The following SPTBN5 variants were observed in gnomAD, a reference collection of about 807,000 sequenced individuals.
SPTBN5 encodes spectrin beta chain, non-erythrocytic 5.
A neutral mutation model predicts 477.6 loss-of-function variants in SPTBN5; 513 were observed. The observed-to-expected ratio is 1.07, with a 90% CI of 1.00 to 1.16. The LOEUF is 1.16. SPTBN5 is among the 50% of genes most tolerant of loss of function. The probability of loss-of-function intolerance (pLI) is 0.00; values close to 1 mark genes in which losing one functional copy is unlikely to be tolerated. For synonymous variants in SPTBN5, 2,169 were observed against 2,011.7 expected, an observed-to-expected ratio of 1.08 and a Z score of -2.09; for missense variants, 5,062 against 4,731.8, an observed-to-expected ratio of 1.07 and a Z score of -2.05.
chr15:41,852,777 G>GGT (rs2065812957), intron 60 of SPTBN5, 42 bp from the exon 61 acceptor site: 1 of 1,610,646 alleles, frequency 6.2e-7, no homozygotes, highest in Non-Finnish European at 8.5e-7. Flanking sequence ...CTTGGGGGGG[G>GGT]GGGCCCAGAG....
intron 43 of SPTBN5, 113 bp downstream of exon 43, chr15:41,862,426 A>C: frequency 2.6e-6 from 4 of 1,519,528 alleles, no homozygotes; most frequent in Non-Finnish European, 3.5e-6. Context: ...AGGACAGTAC[A>C]GTTATTTGAA....
intron 3 of SPTBN5, among the ~76,000 whole-genome samples, chr15:41,890,699 C>T (rs910867050): frequency 2.0e-5 from 3 of 152,244 alleles, no homozygotes; most frequent in Non-Finnish European, 4.4e-5. Context: ...GCTATAAATC[C>T]AGACTCCCAG....
intron 17 of SPTBN5, among the ~76,000 whole-genome samples, chr15:41,878,025 G>C (rs528664791): frequency 1.2e-4 from 18 of 152,282 alleles, no homozygotes; most frequent in African/African-American, 1.9e-4. Flanking sequence ...GGACGGCAGG[G>C]GGGGCTAGAC....
In SPTBN5 at chr15:41,888,088, G is replaced by A. The variant is rs1390093423; in HGVS notation, c.502-3C>T. 6 of 1,563,512 alleles carry A rather than the reference G, an allele frequency of 3.8e-6. No homozygotes were observed. Among genetic ancestry groups the A allele is most frequent in the African/African-American group, 2.7e-5 (2 of 73,802 alleles). On this transcript the variant is annotated splice_polypyrimidine_tract_variant and splice_region_variant and intron_variant, in intron 4 of 67. Transcript: ENST00000320955. ...GCTGCGCTGGCCCCAAACTCCTCCT[G>A]GCGGGACAGGGCAGCAGGGTCACCA...
chr15:41,866,823 G>A (rs1213097011), intron 36 of SPTBN5, 136 bp downstream of exon 36: 33 of 1,188,486 alleles, frequency 2.8e-5, no homozygotes, highest in Non-Finnish European at 3.3e-5. Context: ...CCCATGTTCT[G>A]GGCTCCAGCA....
In SPTBN5 at chr15:41,865,811, G is replaced by A. The variant is rs1567199515; in HGVS notation, c.6915C>T (p.Ala2305=). ...RRLREFRGNS[A]GDTVGDACIR... is the part of the protein sequence containing the mutation. The stretch of plus-strand genomic sequence containing the variant: ...CTACCCAGCAAGGCCCTCTTACCCC[G>A]GCCGAGTTTCCTCGGAACTCGCGGA... The change falls in exon 39 of 68, where the codon GCC becomes GCT. Residue 2305 remains alanine, a synonymous_variant. Coordinates refer to ENST00000320955, the MANE Select transcript of SPTBN5 (RefSeq NM_016642.4). 10 of 1,558,308 alleles carry A rather than the reference G, an allele frequency of 6.4e-6. No individual in the cohort carries two copies. The highest frequency in any genetic ancestry group is 1.9e-4 in the Middle Eastern group (1 of 5,246).
At chr15:41,869,722 C>T in intron 32 of SPTBN5, 119 bp downstream of exon 32, 1 of 1,126,974 alleles carries the variant, frequency 8.9e-7, no homozygotes, top group Non-Finnish European at 1.2e-6. Context: ...TCGTGCTCTC[C>T]CACCCAAGTC....
In SPTBN5 at chr15:41,858,476, G is replaced by T. The variant is rs369020836; in HGVS notation, c.8226+126C>A. ...TGCCTAAACAACCGCTTAGCCAGGT[G>T]CCTGCATGCAGAAAGTACTGGATAA... On this transcript the variant is annotated intron_variant, in intron 49 of 67. Transcript: ENST00000320955. The T allele has an allele frequency of 1.3e-5, 16 of 1,210,884 alleles. No individual in the cohort carries two copies. In the African/African-American group the frequency reaches 2.3e-4, roughly 17 times the overall value. The allele number at this position is 1,210,884 out of a possible 1,614,324, so 75.0% of individuals were successfully genotyped here. A position where few individuals can be genotyped will look rare whatever the true frequency, so the allele number is the denominator to read the frequency against.
intron 35 of SPTBN5, 23 bp downstream of exon 35, chr15:41,867,515 C>T: frequency 6.2e-7 from 1 of 1,609,802 alleles, no homozygotes; most frequent in Non-Finnish European, 8.5e-7. Context: ...TCTGACCACG[C>T]CCAGGCCTCC....
rs374628857 is a variant in SPTBN5, at chr15:41,850,004, C to T, written c.10922-45G>A. ...CCACTGTTAGCCCGGCCCAGACCAT[C>T]TGCAGGCGCCAGGTCTGGCTGCTCC... On this transcript the variant is annotated intron_variant, in intron 66 of 67. Transcript: ENST00000320955. 4.6e-4 allele frequency: 680 copies of T among 1,482,006 alleles called. 1 individual carries two copies. Among genetic ancestry groups the T allele is most frequent in the Non-Finnish European group, 5.8e-4 (632 of 1,083,122 alleles). The allele number at this position is 1,482,006 out of a possible 1,614,324, so 91.8% of individuals were successfully genotyped here. A position where few individuals can be genotyped will look rare whatever the true frequency, so the allele number is the denominator to read the frequency against.
In SPTBN5 at chr15:41,890,142, G is replaced by T. The variant is rs748150862; in HGVS notation, c.448C>A (p.Leu150Ile). 36 of 1,613,252 alleles carry T rather than the reference G, an allele frequency of 2.2e-5. No individual in the cohort carries two copies. The South Asian group carries it at 4.0e-4, about 18-fold the overall frequency. ...VDGDQTLILG[L>I]IWVIILRFQI... ...AAACGCAGAATGATGACCCAGATGA[G>T]TCCCAGGATGAGTGTCTGGTCTCCG... The change falls in exon 4 of 68, where the codon CTC becomes ATC. Residue 150 changes from leucine to isoleucine, a missense_variant. By Grantham distance (5) the Leu-to-Ile change is conservative. Transcript: ENST00000320955.
intron 64 of SPTBN5, 39 bp downstream of exon 64, chr15:41,851,240 CCCAG>C: frequency 6.4e-7 from 1 of 1,556,128 alleles, no homozygotes; most frequent in Non-Finnish European, 8.7e-7. Flanking sequence ...TGCCTTGCTT[CCCAG>C]CACCCTGATG....
At position 41,853,662 on chromosome 15, in the gene SPTBN5, C is replaced by G; in HGVS notation, c.9900G>C (p.Gln3300His). 6.3e-7 allele frequency: 1 copy of G among 1,599,496 alleles called. No individual in the cohort carries two copies. Among genetic ancestry groups the G allele is most frequent in the South Asian group, 1.1e-5 (1 of 90,328 alleles). ...AKVQEAWATLQAKAQERGQWL... is the reference protein window; with the variant it reads ...AKVQEAWATLHAKAQERGQWL... Reference sequence around the variant, plus strand: ...ACTGGCCTCGCTCCTGGGCCTTCGCCTGCAGGGTGGCCCAGGCCTCCTGCA... The same window carrying G: ...ACTGGCCTCGCTCCTGGGCCTTCGCGTGCAGGGTGGCCCAGGCCTCCTGCA... The change falls in exon 58 of 68, where the codon CAG becomes CAC. Residue 3300 changes from glutamine to histidine, a missense_variant. Transcript: ENST00000320955.
chr15:41,890,574 G>A (rs2067278479), intron 3 of SPTBN5, among the ~76,000 whole-genome samples: 1 of 152,354 alleles, frequency 6.6e-6, no homozygotes, highest in Non-Finnish European at 1.5e-5. Flanking sequence ...ACAGACAATA[G>A]CAACTGTCTG....
chr15:41,856,769 T>C, intron 52 of SPTBN5, 84 bp downstream of exon 52: 3 of 1,424,794 alleles, frequency 2.1e-6, no homozygotes. Flanking sequence ...AGAGAGTTCC[T>C]GGCTGGGCCA....
At position 41,866,398 on chromosome 15, in the gene SPTBN5, C is replaced by A. The variant is rs2066314083; in HGVS notation, c.6576G>T (p.Gln2192His). The A allele has an allele frequency of 1.2e-6, 2 of 1,611,728 alleles. No homozygotes were observed. The highest frequency in any genetic ancestry group is 1.7e-6 in the Non-Finnish European group (2 of 1,178,940). ...RDKLKPLLKH[Q>H]AFEAEVQAHE... ...GGGCCTGGACTTCAGCCTCAAAGGC[C>A]TGGTGTTTCAGCAGGGGCTTCAGCT... Residue 2192 changes from glutamine (Q) to histidine (H), a missense_variant, in exon 37 of 68, where the codon CAG becomes CAT. By Grantham distance (24) the Gln-to-His change is conservative. Transcript: ENST00000320955.
rs777424076 is a variant in SPTBN5, at chr15:41,862,120, G to T, written c.7548+10C>A. The stretch of plus-strand genomic sequence containing the variant: ...AGCCTGGGAAAGGCTTGGGCCAGCT[G>T]CCCATTCACCTTGCACTCCTGATGC... On this transcript the variant is annotated intron_variant, in intron 44 of 67. Transcript: ENST00000320955. The T allele has an allele frequency of 5.1e-6, 8 of 1,554,146 alleles. No homozygotes were observed. The highest frequency in any genetic ancestry group is 6.1e-6 in the Non-Finnish European group (7 of 1,146,470).
In SPTBN5 at chr15:41,849,916, A is replaced by G; in HGVS notation, c.10965T>C (p.Ser3655=). Residue 3655 remains serine (S), a synonymous_variant, in exon 67 of 68, where the codon TCT becomes TCC. Transcript: ENST00000320955. ...CATCCTTGGTCGTGCACTCATTCAG[A>G]GAGCTGACAGGTTTGGCTTTGAGTT... is the stretch of plus-strand genomic sequence containing the variant. The part of the protein sequence containing the change: ...SPKLKAKPVS[S]LNECTTKDAR... The G allele has an allele frequency of 3.1e-6, 5 of 1,597,198 alleles. 1 individual carries two copies. In the South Asian group the frequency reaches 3.4e-5, roughly 11 times the overall value.
At position 41,875,603 on chromosome 15, in the gene SPTBN5, C is replaced by T. The variant is rs567382150; in HGVS notation, c.4142G>A (p.Ser1381Asn). ...GTCCTCCTGGCCACAGGGCCTCCTA[C>T]TCAACAGCTCTCTCCCAACCTGGAG... is the stretch of plus-strand genomic sequence containing the variant. ...ALQQVGRELL[S>N]RRPCGQEDIQ... is the part of the protein sequence containing the mutation. The change falls in exon 22 of 68, where the codon AGT becomes AAT. Residue 1381 changes from serine (S) to asparagine (N), a missense_variant. Physicochemically the swap from Ser to Asn is conservative, Grantham distance 46. Transcript: ENST00000320955. 172 of 1,593,008 alleles carry T rather than the reference C, an allele frequency of 1.1e-4. 4 individuals are homozygous for T. In the South Asian group the frequency reaches 1.9e-3, roughly 18 times the overall value.
Sources: allele counts gnomAD v4.1 joint callset (sites outside exome capture counted in the v4.1 genomes callset), GRCh38; gene constraint gnomAD v4.1.1; transcripts MANE v1.5; gene names NCBI Gene and HGNC (gene_info 2026-07-23, HGNC 2026-07-21).